Variants in FBXL5 observed in about 807,000 individuals in gnomAD.
FBXL5 encodes F-box and leucine rich repeat protein 5.
FBXL5 carries 26 observed loss-of-function variants against 78.3 expected under a neutral mutation model. That is an observed-to-expected ratio of 0.33 (90% CI 0.24 to 0.46). FBXL5 has a LOEUF of 0.46. FBXL5 is among the 20% of genes least tolerant of loss of function. The pLI is 1.00. For missense variants in FBXL5, 710 were observed against 829.2 expected, an observed-to-expected ratio of 0.86 and a Z score of 1.77; for synonymous variants, 295 against 282.5, an observed-to-expected ratio of 1.04 and a Z score of -0.45.
chr4:15,646,895 G>A (rs1715414183), intron 1 of FBXL5, among the ~76,000 whole-genome samples: 1 of 151,882 alleles, frequency 6.6e-6, no homozygotes, highest in African/African-American at 2.4e-5. Context: ...GTCAGCCTCC[G>A]TGGGGATGCA....
intron 2 of FBXL5, chr4:15,641,643 TGA>T (rs1222691793): frequency 4.4e-6 from 2 of 455,272 alleles, no homozygotes; most frequent in African/African-American, 4.0e-5. Context: ...AGTAAAGTTT[TGA>T]GAGATTCAAA....
At chr4:15,662,856 T>C (rs1179387704), upstream of FBXL5, among the ~76,000 whole-genome samples, 2 of 152,172 alleles carry the variant, frequency 1.3e-5, no homozygotes, top group Non-Finnish European at 2.9e-5. Flanking sequence ...TAAACATTAT[T>C]CCCAGATTTT....
chr4:15,631,841 A>T (rs567416482), intron 5 of FBXL5, among the ~76,000 whole-genome samples: 1 of 152,160 alleles, frequency 6.6e-6, no homozygotes, highest in African/African-American at 2.4e-5. Context: ...GGTAGGTGGC[A>T]AAAATTTTCT....
chr4:15,680,782 T>TA (rs2148842251), intron 1 of FBXL5, among the ~76,000 whole-genome samples: 1 of 151,956 alleles, frequency 6.6e-6, no homozygotes, highest in Non-Finnish European at 1.5e-5. Context: ...GCTGATAAAG[T>TA]CGCATTAAGT....
intron 1 of FBXL5, among the ~76,000 whole-genome samples, chr4:15,671,911 C>A (rs1197308431): frequency 6.6e-6 from 1 of 152,170 alleles, no homozygotes; most frequent in Non-Finnish European, 1.5e-5. Flanking sequence ...CATCTATCTT[C>A]CATGTCTCTA....
At chr4:15,605,876 T>A in intron 10 of FBXL5, 77 bp from the exon 11 acceptor site, 97 of 927,292 alleles carry the variant, frequency 1.0e-4, no homozygotes, top group Non-Finnish European at 1.5e-4. Context: ...ATGAAGGAGT[T>A]AAACATTCAT....
At chr4:15,610,745 T>C (rs1722195828) in intron 10 of FBXL5, among the ~76,000 whole-genome samples, 1 of 152,018 alleles carries the variant, frequency 6.6e-6, no homozygotes, top group Non-Finnish European at 1.5e-5. Context: ...CAAAAATAAA[T>C]ATAATGAATT....
At chr4:15,675,531 G>GAACCTTCA (rs1196487170) in intron 1 of FBXL5, among the ~76,000 whole-genome samples, 7 of 147,822 alleles carry the variant, frequency 4.7e-5, no homozygotes, top group Non-Finnish European at 1.5e-5. Flanking sequence ...TCAAGGAGTT[G>GAACCTTCA]AACCTTCACT....
chr4:15,615,702 T>C (rs1262786137), intron 9 of FBXL5, among the ~76,000 whole-genome samples: 1 of 150,920 alleles, frequency 6.6e-6, no homozygotes, highest in Non-Finnish European at 1.5e-5. Context: ...AAACTCTGTA[T>C]CTAACTAACC....
intron 10 of FBXL5, among the ~76,000 whole-genome samples, chr4:15,609,959 AC>A (rs1021354092): frequency 2.0e-5 from 3 of 152,104 alleles, no homozygotes; most frequent in Non-Finnish European, 2.9e-5. Context: ...ACATTTAGTA[AC>A]CTGATAGTTA....
At chr4:15,667,266 T>A (rs1296275005) in intron 1 of FBXL5, among the ~76,000 whole-genome samples, 1 of 152,210 alleles carries the variant, frequency 6.6e-6, no homozygotes, top group East Asian at 1.9e-4. Flanking sequence ...TGAGAAAACA[T>A]GTACAAGTAC....
At chr4:15,649,453 G>A (rs557783703) in intron 1 of FBXL5, among the ~76,000 whole-genome samples, 20 of 151,574 alleles carry the variant, frequency 1.3e-4, no homozygotes, top group African/African-American at 3.6e-4. Context: ...GTTAGCACAC[G>A]CCTGTAGACC....
chr4:15,623,617 T>C (rs1195924433), intron 9 of FBXL5, among the ~76,000 whole-genome samples: 1 of 152,162 alleles, frequency 6.6e-6, no homozygotes, highest in Non-Finnish European at 1.5e-5. Context: ...CAGTTAGGAA[T>C]ACAGACATGT....
At chr4:15,679,203 T>C (rs1241232354) in intron 1 of FBXL5, among the ~76,000 whole-genome samples, 3 of 151,790 alleles carry the variant, frequency 2.0e-5, no homozygotes, top group East Asian at 3.9e-4. Flanking sequence ...GCTGGGATTA[T>C]AGGCACGTGC....
intron 1 of FBXL5, among the ~76,000 whole-genome samples, chr4:15,650,611 A>C (rs1715885263): frequency 6.6e-6 from 1 of 152,188 alleles, no homozygotes; most frequent in African/African-American, 2.4e-5. Flanking sequence ...ATAATTAACA[A>C]ATAGTAACAT....
upstream of FBXL5, among the ~76,000 whole-genome samples, chr4:15,658,546 A>G (rs78826410): frequency 2.3e-3 from 349 of 152,286 alleles, no homozygotes; most frequent in African/African-American, 8.1e-3. Context: ...AAGAGGAAGA[A>G]AGACCTGTGC....
chr4:15,631,728 G>A (rs1399395536), intron 5 of FBXL5, among the ~76,000 whole-genome samples: 1 of 152,112 alleles, frequency 6.6e-6, no homozygotes, highest in Non-Finnish European at 1.5e-5. Context: ...TTTGAGAACT[G>A]TCTGTTCATA....
At chr4:15,639,713 T>A in intron 3 of FBXL5, among the ~76,000 whole-genome samples, 1 of 152,190 alleles carries the variant, frequency 6.6e-6, no homozygotes, top group East Asian at 1.9e-4. Context: ...TACAATGAGT[T>A]GGGGGGCCCT....
At position 15,640,819 on chromosome 4, in the gene FBXL5, T is replaced by C; in HGVS notation, c.365A>G (p.Asp122Gly). ...LKERLEAFTR[D>G]FLPHMKEEEE... ...TTCCTCTTTCATGTGAGGAAGAAAA[T>C]CTCTTGTAAAAGCCTCCAATCTCTC... Residue 122 changes from aspartate to glycine, a missense_variant, in exon 3 of 11, where the codon GAT becomes GGT. Physicochemically the swap from Asp to Gly is moderately conservative, Grantham distance 94. Around this residue, in one of 4 missense-constraint regions of FBXL5, gnomAD observed 132 missense variants for 156.9 expected, o/e 0.84. Coordinates refer to ENST00000341285, the MANE Select transcript of FBXL5 (RefSeq NM_012161.4). The C allele has an allele frequency of 2.5e-6, 4 of 1,570,838 alleles. No individual in the cohort carries two copies. The highest frequency in any genetic ancestry group is 3.4e-6 in the Non-Finnish European group (4 of 1,161,444).
Sources: allele counts gnomAD v4.1 joint callset (sites outside exome capture counted in the v4.1 genomes callset), GRCh38; gene constraint gnomAD v4.1.1; regional missense constraint gnomAD v4.1.1; transcripts MANE v1.5; gene names NCBI Gene and HGNC (gene_info 2026-07-23, HGNC 2026-07-21).